Variants in TTN observed in about 807,000 individuals in gnomAD.
TTN encodes connectin.
Under a neutral mutation model 3,223.0 loss-of-function variants are expected in TTN, and 1,525 were observed. The observed-to-expected ratio is 0.47, with a 90% confidence interval of 0.45 to 0.49. TTN has a LOEUF of 0.49. Ranked by LOEUF, TTN falls within the 20% of genes least tolerant of loss-of-function variation. The probability of loss-of-function intolerance (pLI) is 0.00; values close to 1 mark genes in which losing one functional copy is unlikely to be tolerated. For synonymous variants in TTN, 14,094 were observed against 15,161.0 expected (o/e 0.93, Z 5.17); for missense variants, 40,786 against 43,424.0 (o/e 0.94, Z 5.40).
In TTN at chr2:178,537,118, A is replaced by T. The variant is rs56061641; in HGVS notation, c.99991T>A (p.Cys33331Ser). Reference protein sequence around the residue: ...SWITNYVVEKCEAKEGAEWQL... With the variant: ...SWITNYVVEKSEAKEGAEWQL... ...CATTCAGCCCCCTCCTTGGCCTCACATTTTTCCACCACATAGTTGGTGATC... is the reference window on the plus strand; with the variant it reads ...CATTCAGCCCCCTCCTTGGCCTCACTTTTTTCCACCACATAGTTGGTGATC... Residue 33331 changes from cysteine (C) to serine (S), a missense_variant, in exon 356 of 363, where the codon TGT (cysteine) becomes AGT (serine). Transcript: ENST00000589042. 4 of 1,613,214 alleles carry T rather than the reference A, an allele frequency of 2.5e-6. No homozygotes were observed. Among genetic ancestry groups the T allele is most frequent in the Non-Finnish European group, 3.4e-6 (4 of 1,179,628 alleles).
Position 178,733,082 on chromosome 2 carries a change from T to A in TTN, c.16094A>T (p.Asn5365Ile), listed in dbSNP as rs2080837550. Reference sequence around the variant, plus strand: ...GGTACCATTAACAACACTATCCACGTTGCGCAAGGGTTTGGTAAAAAATGG... The same window carrying A: ...GGTACCATTAACAACACTATCCACGATGCGCAAGGGTTTGGTAAAAAATGG... The part of the protein sequence containing the change: ...IAPFFTKPLR[N>I]VDSVVNGTCR... The change falls in exon 55 of 363, where the codon AAC (asparagine) becomes ATC (isoleucine). Residue 5365 changes from asparagine (N) to isoleucine (I), a missense_variant. Transcript: ENST00000589042. 6.2e-7 allele frequency: 1 copy of A among 1,606,562 alleles called. No individual in the cohort carries two copies. Among genetic ancestry groups the A allele is most frequent in the Non-Finnish European group, 8.5e-7 (1 of 1,175,360 alleles).
Position 178,773,981 on chromosome 2 carries a change from T to A in TTN, c.7187A>T (p.Gln2396Leu). The change falls in exon 31 of 363, where the codon CAG becomes CTG. Residue 2396 changes from glutamine to leucine, a missense_variant. Physicochemically the swap from Gln to Leu is moderately radical, Grantham distance 113. Transcript: ENST00000589042. ...GVWMKDGQEV[Q>L]PSDRVHIVID... ...CACAATGTGAACCCTGTCACTGGGC[T>A]GCACTTCTTGGCCGTCTTTCATCCA... 6.2e-7 allele frequency: 1 copy of A among 1,614,140 alleles called. No homozygotes were observed. Among genetic ancestry groups the A allele is most frequent in the Non-Finnish European group, 8.5e-7 (1 of 1,179,996 alleles).
In TTN at chr2:178,560,499, G is replaced by C; in HGVS notation, c.85633C>G (p.Leu28545Val). 6.2e-7 allele frequency: 1 copy of C among 1,612,924 alleles called. No individual in the cohort carries two copies. The highest frequency in any genetic ancestry group is 8.5e-7 in the Non-Finnish European group (1 of 1,179,424). The change falls in exon 326 of 363, where the codon CTA becomes GTA. Residue 28545 changes from leucine (L) to valine (V), a missense_variant. Coordinates refer to ENST00000589042, the MANE Select transcript of TTN (RefSeq NM_001267550.2). The part of the protein sequence containing the change: ...EPLESVAIKA[L>V]DPFTVPSPPT... ...GGACTTGGAACTGTAAATGGATCTA[G>C]TGCCTTTATAGCTACACTCTCTAGG... is the stretch of plus-strand genomic sequence containing the variant.
At chr2:178,668,543 C>T (rs949771208) in intron 159 of TTN, among the ~76,000 whole-genome samples, 20 of 151,808 alleles carry the variant, frequency 1.3e-4, no homozygotes, top group Admixed American at 3.3e-4. Flanking sequence ...CCAGCCTGAC[C>T]AACATGGTAA....
rs1339300021 is a variant in TTN at position 178,704,518 on chromosome 2, G to A, written c.29954C>T (p.Thr9985Ile). Residue 9985 changes from threonine to isoleucine, a missense_variant, in exon 105 of 363, where the codon ACT (threonine) becomes ATT (isoleucine). By Grantham distance (89) the Thr-to-Ile change is moderately conservative (BLOSUM62 -1). Coordinates refer to ENST00000589042, the MANE Select transcript of TTN (RefSeq NM_001267550.2). ...AGCCTTTTCTAACTTACCAATTACA[G>A]TTAGTTTAGCGCTAGCGATGTGTGG... is the stretch of plus-strand genomic sequence containing the variant. ...CGPHIASAKL[T>I]VIEPAWERHL... 4.4e-6 allele frequency: 7 copies of A among 1,604,052 alleles called. No individual in the cohort carries two copies. The highest frequency in any genetic ancestry group is 1.7e-4 in the Middle Eastern group (1 of 5,996).
At chr2:178,639,563 A>G in intron 223 of TTN, 136 bp downstream of exon 223, 2 of 897,978 alleles carry the variant, frequency 2.2e-6, no homozygotes, top group East Asian at 5.3e-5. Context: ...GAAAAGGTAG[A>G]AACTTACCAT....
chr2:178,609,523 C>T lies in TTN; in HGVS notation c.51787G>A (p.Asp17263Asn). Residue 17263 changes from aspartate to asparagine, a missense_variant, in exon 273 of 363, where the codon GAT (aspartate) becomes AAT (asparagine). Transcript: ENST00000589042. ...LRTSLEVKRG[D>N]EIALDASISG... The stretch of plus-strand genomic sequence containing the variant: ...ATACTTGCATCAAGTGCTATTTCAT[C>T]ACCTCGTTTCACTTCTAGGCTTGTT... 1.2e-6 allele frequency: 2 copies of T among 1,612,250 alleles called. No homozygotes were observed. Among genetic ancestry groups the T allele is most frequent in the Non-Finnish European group, 1.7e-6 (2 of 1,178,924 alleles).
intron 47 of TTN, chr2:178,751,732 A>G: frequency 6.2e-7 from 1 of 1,613,016 alleles, no homozygotes; most frequent in Non-Finnish European, 8.5e-7. Flanking sequence ...GGTGTAAATC[A>G]CTCTCAGCTT....
rs373889292 is a variant in TTN at position 178,612,507 on chromosome 2, G to C, written c.50018C>G (p.Thr16673Arg). The stretch of plus-strand genomic sequence containing the variant: ...GGACCCTCCATCTTTCTCAGGAACT[G>C]TCCATTTTAGGTCTGCTGTATTTTT... ...ITKNTADLKW[T>R]VPEKDGGSPI... The change falls in exon 266 of 363, where the codon ACA (threonine) becomes AGA (arginine). Residue 16673 changes from threonine to arginine, a missense_variant. By Grantham distance (71) the Thr-to-Arg change is moderately conservative (BLOSUM62 -1). Coordinates refer to ENST00000589042, the MANE Select transcript of TTN (RefSeq NM_001267550.2). 3.1e-6 allele frequency: 5 copies of C among 1,611,892 alleles called. No homozygotes were observed. The highest frequency in any genetic ancestry group is 4.2e-6 in the Non-Finnish European group (5 of 1,179,092).
chr2:178,604,215 C>A lies in TTN; in HGVS notation c.54472G>T (p.Val18158Leu). 1 of 1,610,528 alleles carries A rather than the reference C, an allele frequency of 6.2e-7. No homozygotes were observed. The highest frequency in any genetic ancestry group is 1.1e-5 in the South Asian group (1 of 90,554). ...GISDECKSDK[V>L]VIQDPYRLPG... Reference sequence around the variant, plus strand: ...AGGCGATAAGGATCTTGAATGACTACTTTATCTGATTTGCACTCATCACTG... The same window carrying A: ...AGGCGATAAGGATCTTGAATGACTAATTTATCTGATTTGCACTCATCACTG... Residue 18158 changes from valine to leucine, a missense_variant, in exon 282 of 363, where the codon GTA (valine) becomes TTA (leucine). By Grantham distance (32) the Val-to-Leu change is conservative (BLOSUM62 1). Coordinates refer to ENST00000589042, the MANE Select transcript of TTN (RefSeq NM_001267550.2).
Position 178,546,284 on chromosome 2 carries a change from T to C in TTN, c.95047A>G (p.Ser31683Gly), listed in dbSNP as rs72648257. The change falls in exon 342 of 363, where the codon AGT becomes GGT. Residue 31683 changes from serine to glycine, a missense_variant. Ser to Gly is a moderately conservative substitution (Grantham distance 56). Coordinates refer to ENST00000589042, the MANE Select transcript of TTN (RefSeq NM_001267550.2). ...AVIKFCDRSD[S>G]GKYTLTVKNA... ...TTCACTGTTAAAGTGTATTTTCCAC[T>C]GTCACTTCTGTCACAGAACTTGATC... 36,957 of 1,613,852 alleles carry C rather than the reference T, an allele frequency of 0.023. 526 individuals carry two copies. Among genetic ancestry groups the C allele is most frequent in the East Asian group, 0.063 (2,830 of 44,870 alleles).
chr2:178,555,201 A>G (rs143912572), intron 330 of TTN, 49 bp from the exon 331 acceptor site: 2 of 1,553,488 alleles, frequency 1.3e-6, no homozygotes, highest in African/African-American at 2.8e-5. Flanking sequence ...AAGGATGGAA[A>G]AAAAAATAGT....
At chr2:178,527,379 T>C in intron 362 of TTN, 67 bp downstream of exon 362, 4 of 1,574,008 alleles carry the variant, frequency 2.5e-6, no homozygotes, top group Non-Finnish European at 3.4e-6. Context: ...TCTACTGAAT[T>C]GTGTGTACTA....
chr2:178,702,312 A>G (rs1319491888), intron 107 of TTN, 67 bp from the exon 108 acceptor site: 1 of 1,608,320 alleles, frequency 6.2e-7, no homozygotes, highest in African/African-American at 1.3e-5. Flanking sequence ...TTACTTCAAT[A>G]TACGTATGTG....
chr2:178,732,670 C>A lies in TTN; in HGVS notation c.16391G>T (p.Gly5464Val), dbSNP rs377023302. 1 of 1,606,966 alleles carries A rather than the reference C, an allele frequency of 6.2e-7. No individual in the cohort carries two copies. Among genetic ancestry groups the A allele is most frequent in the Admixed American group, 1.7e-5 (1 of 59,040 alleles). ...AGTGCTCTTCAGGCAGACTGCTGAG[C>A]CAGGCAGAACATCCTTTGAGCCGGG... Reference protein sequence around the residue: ...TKPGSKDVLPGSAVCLKSTFQ... With the variant: ...TKPGSKDVLPVSAVCLKSTFQ... Residue 5464 changes from glycine (G) to valine (V), a missense_variant, in exon 56 of 363, where the codon GGC becomes GTC. By Grantham distance (109) the Gly-to-Val change is moderately radical. Coordinates refer to ENST00000589042, the MANE Select transcript of TTN (RefSeq NM_001267550.2).
chr2:178,746,367 C>T lies in TTN; in HGVS notation c.11312-4446G>A, dbSNP rs1031725347. On this transcript the variant is annotated intron_variant, in intron 47 of 362. Coordinates refer to ENST00000589042, the MANE Select transcript of TTN (RefSeq NM_001267550.2). ...TTAAATGGAAGAACATCTAGACTCA[C>T]AATCATACTTTTATGGTCAGGAGTA... 5.0e-6 allele frequency: 8 copies of T among 1,611,810 alleles called. No homozygotes were observed. The Admixed American group carries it at 5.0e-5, about 10-fold the overall frequency.
Position 178,695,976 on chromosome 2 carries a change from C to A in TTN, c.31096G>T (p.Glu10366Ter), listed in dbSNP as rs1402212717. ...TCCCTTTCATAGTATTCTTGCCCTT[C>A]TTCAAAATCTTCTTCCCATTCCTCG... ...VHEEWEEDFE[E>*]GQEYYEREEG... is the part of the protein sequence containing the mutation. The change falls in exon 114 of 363, where the codon GAA (glutamate) becomes TAA (stop). Residue 10366 changes from glutamate to a stop codon, truncating the protein, a stop_gained. Transcript: ENST00000589042. LOFTEE classifies it high-confidence loss of function. 1 of 1,545,852 alleles carries A rather than the reference C, an allele frequency of 6.5e-7. No homozygotes were observed. Among genetic ancestry groups the A allele is most frequent in the East Asian group, 2.4e-5 (1 of 40,866 alleles).
At chr2:178,627,149 CTTTAAT>C (rs1300021993) in intron 240 of TTN, among the ~76,000 whole-genome samples, 1 of 151,876 alleles carries the variant, frequency 6.6e-6, no homozygotes, top group Non-Finnish European at 1.5e-5. Context: ...TGTATTTAAA[CTTTAAT>C]TTTATCAAAT....
rs773950138 is a variant in TTN at position 178,563,746 on chromosome 2, C to T, written c.82386G>A (p.Thr27462=). The change falls in exon 326 of 363, where the codon ACG becomes ACA. Residue 27462 remains threonine (T), a synonymous_variant. Transcript: ENST00000589042. The surrounding 1 kb of genome is among the most constrained non-coding windows in gnomAD (Gnocchi z 4.5). ...CTGGTGGCTTATAAGGATTACAGGCCGTAACAGGCCCAGATTCCAAGGGCT... is the reference window on the plus strand; with the variant it reads ...CTGGTGGCTTATAAGGATTACAGGCTGTAACAGGCCCAGATTCCAAGGGCT... ...IGEPLESGPV[T]ACNPYKPPGP... is the part of the protein sequence containing the mutation. 16 of 1,613,566 alleles carry T rather than the reference C, an allele frequency of 9.9e-6. No homozygotes were observed. Among genetic ancestry groups the T allele is most frequent in the East Asian group, 2.2e-5 (1 of 44,802 alleles).
Sources: allele counts gnomAD v4.1 joint callset (sites outside exome capture counted in the v4.1 genomes callset), GRCh38; gene constraint gnomAD v4.1.1; non-coding constraint Gnocchi (gnomAD v3.1); transcripts MANE v1.5; gene names NCBI Gene and HGNC (gene_info 2026-07-23, HGNC 2026-07-21).